The following PHF20 variants were observed in gnomAD, a reference collection of about 807,000 sequenced individuals.
PHF20 encodes PHD finger protein 20.
A neutral mutation model predicts 113.5 loss-of-function variants in PHF20; 23 were observed. That is an observed-to-expected ratio of 0.20 (90% CI 0.15 to 0.29). The LOEUF is 0.29. Ranked by LOEUF, PHF20 falls within the 10% of genes least tolerant of loss-of-function variation. The pLI, the probability that PHF20 is intolerant of heterozygous loss-of-function variation, is 1.00. For missense variants in PHF20, 943 were observed against 1,219.6 expected (o/e 0.77, Z 3.38); for synonymous variants, 434 against 457.3 (o/e 0.95, Z 0.65).
At chr20:35,861,151 G>GTT (rs200515259) in intron 5 of PHF20, among the ~76,000 whole-genome samples, 50 of 142,112 alleles carry the variant, frequency 3.5e-4, no homozygotes, top group Non-Finnish European at 5.1e-4. Flanking sequence ...AATAGATTGA[G>GTT]TTTTTTTTTT....
At chr20:35,835,228 A>G (rs1422607846) in intron 2 of PHF20, among the ~76,000 whole-genome samples, 3 of 151,934 alleles carry the variant, frequency 2.0e-5, no homozygotes, top group Non-Finnish European at 2.9e-5. Flanking sequence ...TGAGCTGAGA[A>G]CACGCCACTG....
At chr20:35,926,230 ATTTTTT>A (rs1186510585) in intron 13 of PHF20, among the ~76,000 whole-genome samples, 1 of 52,968 alleles carries the variant, frequency 1.9e-5, no homozygotes, top group Non-Finnish European at 3.1e-5. Context: ...ACAGACTTTC[ATTTTTT>A]TTTTTTTTTT....
rs536709798 is a variant in PHF20 at position 35,826,642 on chromosome 20, G to A, written c.84-15931G>A. 2.5e-4 allele frequency among the ~76,000 whole-genome samples: 38 copies of A among 152,352 alleles called. 2 individuals carry two copies. In the South Asian group the frequency reaches 3.7e-3, roughly 15 times the overall value. On this transcript the variant is annotated intron_variant, in intron 2 of 17. Transcript: ENST00000374012. ...TTCTGAGAATCCAGGGAGGTAACAG[G>A]AGTGGTGGGAGATTGAACTGAAGAG... is the stretch of plus-strand genomic sequence containing the variant.
At chr20:35,888,013 T>C (rs1311636350) in intron 9 of PHF20, among the ~76,000 whole-genome samples, 1 of 149,224 alleles carries the variant, frequency 6.7e-6, no homozygotes, top group Non-Finnish European at 1.5e-5. Context: ...AGAGTTTCGC[T>C]CTTGTTGCCC....
At chr20:35,890,839 T>G (rs551854856) in intron 9 of PHF20, among the ~76,000 whole-genome samples, 207 of 152,182 alleles carry the variant, frequency 1.4e-3, no homozygotes, top group African/African-American at 4.9e-3. Flanking sequence ...CCGAGATCGT[T>G]CCACTGCATT....
intron 2 of PHF20, among the ~76,000 whole-genome samples, chr20:35,809,482 G>A: frequency 6.6e-6 from 1 of 151,784 alleles, no homozygotes; most frequent in Non-Finnish European, 1.5e-5. Flanking sequence ...GGGAGGCTGA[G>A]GCAGGAGAAT....
chr20:35,844,178 C>G (rs961517634), intron 3 of PHF20, among the ~76,000 whole-genome samples: 1 of 152,016 alleles, frequency 6.6e-6, no homozygotes, highest in African/African-American at 2.4e-5. Flanking sequence ...TCTCACCTCA[C>G]TGCAACCTCC....
At chr20:35,806,274 C>T (rs953833951) in intron 2 of PHF20, among the ~76,000 whole-genome samples, 3 of 151,428 alleles carry the variant, frequency 2.0e-5, no homozygotes, top group Admixed American at 6.6e-5. Context: ...ATCCTCTCAC[C>T]TCAGCCTTCT....
intron 13 of PHF20, among the ~76,000 whole-genome samples, chr20:35,921,710 G>GA (rs1230409076): frequency 1.1e-4 from 9 of 79,054 alleles, no homozygotes; most frequent in African/African-American, 2.4e-4. Flanking sequence ...AAAAAGAAAA[G>GA]AAAAAAAATG....
At chr20:35,903,633 T>A (rs1158233013) in intron 10 of PHF20, among the ~76,000 whole-genome samples, 2 of 152,212 alleles carry the variant, frequency 1.3e-5, no homozygotes, top group Non-Finnish European at 1.5e-5. Context: ...GCCTCATTGC[T>A]GATACGTTTA....
intron 13 of PHF20, 135 bp downstream of exon 13, chr20:35,917,797 C>T: frequency 1.3e-6 from 1 of 743,886 alleles, no homozygotes; most frequent in Non-Finnish European, 2.2e-6. Flanking sequence ...CTGAGCTTCT[C>T]TTTTTCGTTT....
At chr20:35,778,359 A>G (rs1348516893) in intron 1 of PHF20, among the ~76,000 whole-genome samples, 1 of 152,198 alleles carries the variant, frequency 6.6e-6, no homozygotes, top group African/African-American at 2.4e-5. Context: ...AAGATCCTTG[A>G]TTGGATTATG....
At chr20:35,786,721 A>G (rs910070572) in intron 1 of PHF20, among the ~76,000 whole-genome samples, 10 of 152,174 alleles carry the variant, frequency 6.6e-5, no homozygotes, top group African/African-American at 2.4e-4. Flanking sequence ...CCAGAGCTAT[A>G]GACTATATCA....
At chr20:35,878,786 C>T in intron 9 of PHF20, 1 of 687,362 alleles carries the variant, frequency 1.5e-6, no homozygotes, top group Non-Finnish European at 2.6e-6. Flanking sequence ...AGTTAGACGT[C>T]TCATTATTGA....
chr20:35,902,524 G>A (rs767031761), intron 10 of PHF20, among the ~76,000 whole-genome samples: 4 of 152,220 alleles, frequency 2.6e-5, no homozygotes, highest in African/African-American at 9.6e-5. Flanking sequence ...CCCTGTTCAT[G>A]GTAATTGTCT....
At chr20:35,833,252 A>G (rs2042384636) in intron 2 of PHF20, among the ~76,000 whole-genome samples, 1 of 152,066 alleles carries the variant, frequency 6.6e-6, no homozygotes, top group Admixed American at 6.6e-5. Flanking sequence ...TGGTTGGCTT[A>G]GTGACCAGTT....
chr20:35,919,002 A>C (rs530142908), intron 13 of PHF20, among the ~76,000 whole-genome samples: 1 of 151,826 alleles, frequency 6.6e-6, no homozygotes, highest in East Asian at 1.9e-4. Context: ...GTAGGTTGGC[A>C]TGGCATGGGT....
chr20:35,853,749 ATTTC>A (rs2042780555), intron 4 of PHF20, among the ~76,000 whole-genome samples: 5 of 146,186 alleles, frequency 3.4e-5, no homozygotes, highest in Admixed American at 2.0e-4. Flanking sequence ...CGAAGACCCT[ATTTC>A]TTTCTTTTTT....
At chr20:35,814,391 A>T (rs903553273) in intron 2 of PHF20, among the ~76,000 whole-genome samples, 2 of 151,354 alleles carry the variant, frequency 1.3e-5, no homozygotes, top group Non-Finnish European at 2.9e-5. Context: ...CTAATTTTGT[A>T]TTTTTAGTAG....
Sources: gnomAD v4.1 joint callset for allele counts (sites outside exome capture counted in the v4.1 genomes callset) on GRCh38, gnomAD v4.1.1 for gene constraint, MANE v1.5 for transcripts, NCBI Gene and HGNC (gene_info 2026-07-23, HGNC 2026-07-21) for gene names.